Variants in ZEB2 observed in about 807,000 individuals in gnomAD.
ZEB2 encodes the protein zinc finger E-box binding homeobox 2.
ZEB2 carries 6 observed loss-of-function variants against 99.9 expected under a neutral mutation model. That is an observed-to-expected ratio of 0.06 (90% CI 0.03 to 0.12). ZEB2 has a LOEUF of 0.12. Ranked by LOEUF, ZEB2 falls within the 10% of genes least tolerant of loss-of-function variation. The pLI is 1.00. For missense variants in ZEB2, 969 were observed against 1,502.8 expected, an observed-to-expected ratio of 0.64 and a Z score of 5.87; for synonymous variants, 517 against 542.5, an observed-to-expected ratio of 0.95 and a Z score of 0.65.
rs1417529705 is a variant in ZEB2 at position 144,513,285 on chromosome 2, C to T, written c.73+3993G>A. On this transcript the variant is annotated intron_variant, in intron 2 of 9. Coordinates refer to ENST00000627532, the MANE Select transcript of ZEB2 (RefSeq NM_014795.4). ...AACAGGGATAACCATTTCTGCTCTT[C>T]TGATTGTTTCTCCTCTAGGATCCAA... 6 of 1,290,778 alleles carry T rather than the reference C, an allele frequency of 4.6e-6. No homozygotes were observed. In the South Asian group the frequency reaches 7.4e-5, roughly 16 times the overall value. 80.0% of individuals were successfully genotyped at this position (1,290,778 alleles called of 1,614,324 possible). A position where few individuals can be genotyped will look rare whatever the true frequency, so the allele number is the denominator to read the frequency against.
chr2:144,395,925 C>T (rs981893225), intron 9 of ZEB2, among the ~76,000 whole-genome samples: 1 of 151,592 alleles, frequency 6.6e-6, no homozygotes, highest in Non-Finnish European at 1.5e-5. Flanking sequence ...GACACTAATG[C>T]CTTTAGTTCT....
At chr2:144,405,796 ACT>A (rs1703378667) in intron 4 of ZEB2, among the ~76,000 whole-genome samples, 1 of 152,112 alleles carries the variant, frequency 6.6e-6, no homozygotes, top group Non-Finnish European at 1.5e-5. Flanking sequence ...TGTAATTATG[ACT>A]CTATTCCTGT....
intron 4 of ZEB2, among the ~76,000 whole-genome samples, chr2:144,421,893 T>A (rs1408224665): frequency 6.6e-6 from 1 of 152,220 alleles, no homozygotes; most frequent in Non-Finnish European, 1.5e-5. Flanking sequence ...TTCCCATATC[T>A]ATATATCTTT....
In ZEB2 at chr2:144,399,011, A is replaced by T; in HGVS notation, c.2176T>A (p.Ser726Thr). 1 of 1,614,048 alleles carries T rather than the reference A, an allele frequency of 6.2e-7. No individual in the cohort carries two copies. Among genetic ancestry groups the T allele is most frequent in the Non-Finnish European group, 8.5e-7 (1 of 1,179,992 alleles). The change falls in exon 8 of 10, where the codon TCT (serine) becomes ACT (threonine). Residue 726 changes from serine (S) to threonine (T), a missense_variant. Around this residue, in one of 8 missense-constraint regions of ZEB2, gnomAD observed 346 missense variants for 460.0 expected, o/e 0.75. Coordinates refer to ENST00000627532, the MANE Select transcript of ZEB2 (RefSeq NM_014795.4). This position sits in a 1 kb window ranked among gnomAD's most constrained non-coding sequence, Gnocchi z 5.6. ...APNSNPPTKD[S>T]LLPRSPVKPM... is the part of the protein sequence containing the mutation. ...TTTACAGGAGACCTGGGTAATAAAG[A>T]GTCTTTTGTGGGAGGGTTACTGTTG...
chr2:144,464,398 G>C (rs555509289), intron 2 of ZEB2: 1 of 152,028 alleles, frequency 6.6e-6, no homozygotes, highest in Non-Finnish European at 1.5e-5. Context: ...CTACCATTTG[G>C]TTATTTAGAA....
At chr2:144,425,051 C>T in intron 3 of ZEB2, 184 bp from the exon 4 acceptor site, 1 of 625,516 alleles carries the variant, frequency 1.6e-6, no homozygotes. Flanking sequence ...TGCACAAGAA[C>T]TTATTTACTT....
intron 7 of ZEB2, 73 bp downstream of exon 7, chr2:144,401,125 AT>A (rs967038412): frequency 7.2e-7 from 1 of 1,379,552 alleles, no homozygotes; most frequent in African/African-American, 1.4e-5. Context: ...GACTGTGTAA[AT>A]TTTAAACAAT....
At chr2:144,471,591 T>C (rs1418403571) in intron 2 of ZEB2, among the ~76,000 whole-genome samples, 4 of 151,880 alleles carry the variant, frequency 2.6e-5, no homozygotes, top group African/African-American at 7.3e-5. Context: ...TAGAGAAAAG[T>C]AATGGTGTGG....
intron 2 of ZEB2, among the ~76,000 whole-genome samples, chr2:144,493,291 A>T (rs553956349): frequency 3.3e-5 from 5 of 152,328 alleles, no homozygotes; most frequent in Non-Finnish European, 7.4e-5. Flanking sequence ...ACCTTGAAAC[A>T]GTCATAATCA....
At chr2:144,438,811 G>C (rs1228490901) in intron 2 of ZEB2, among the ~76,000 whole-genome samples, 2 of 152,150 alleles carry the variant, frequency 1.3e-5, no homozygotes, top group East Asian at 1.9e-4. Context: ...TTACTGTGTA[G>C]TATGTTTAAA....
intron 3 of ZEB2, chr2:144,428,737 A>G (rs1343417386): frequency 6.6e-6 from 1 of 152,154 alleles, no homozygotes; most frequent in Admixed American, 6.5e-5. Flanking sequence ...CCAAACAATT[A>G]TTCTGCCTAT....
chr2:144,401,788 G>T (rs1043519950), intron 6 of ZEB2, among the ~76,000 whole-genome samples: 7 of 151,914 alleles, frequency 4.6e-5, no homozygotes, highest in African/African-American at 1.7e-4. Context: ...ATCTTATACT[G>T]AAGCAATCTA....
intron 2 of ZEB2, among the ~76,000 whole-genome samples, chr2:144,465,040 C>T (rs142131902): frequency 0.014 from 2,067 of 152,254 alleles, 19 homozygotes; most frequent in Middle Eastern, 0.054. Flanking sequence ...CTCACTTGTC[C>T]AACTCACCTT....
At chr2:144,517,800 G>T in intron 1 of ZEB2, 2 of 654,352 alleles carry the variant, frequency 3.1e-6, no homozygotes, top group South Asian at 3.2e-5. Flanking sequence ...GTGAGGCGAG[G>T]TTTTCTTTTC....
intron 2 of ZEB2, among the ~76,000 whole-genome samples, chr2:144,437,854 C>T (rs905998478): frequency 6.6e-6 from 1 of 152,130 alleles, no homozygotes. Context: ...CAGTAACTGC[C>T]AGAGTACGTT....
At chr2:144,482,506 A>T (rs1704527798) in intron 2 of ZEB2, among the ~76,000 whole-genome samples, 1 of 152,046 alleles carries the variant, frequency 6.6e-6, no homozygotes. Context: ...TTGTGATGAA[A>T]ATTTACTTTC....
chr2:144,446,988 C>T (rs376146821), intron 2 of ZEB2, among the ~76,000 whole-genome samples: 1 of 149,576 alleles, frequency 6.7e-6, no homozygotes, highest in Non-Finnish European at 1.5e-5. Context: ...GGCACTCCAG[C>T]CTGGGTGACA....
chr2:144,428,142 C>A (rs535768481), intron 3 of ZEB2: 1 of 152,058 alleles, frequency 6.6e-6, no homozygotes, highest in Non-Finnish European at 1.5e-5. Flanking sequence ...TTGGTCCTTA[C>A]CCTTGATTTC....
chr2:144,494,195 A>G (rs1248786194), intron 2 of ZEB2: 1 of 150,782 alleles, frequency 6.6e-6, no homozygotes, highest in African/African-American at 2.4e-5. Context: ...CAAAAACTCT[A>G]ATAAAACAGG....
Sources: allele counts gnomAD v4.1 joint callset (sites outside exome capture counted in the v4.1 genomes callset), GRCh38; gene constraint gnomAD v4.1.1; regional missense constraint gnomAD v4.1.1; non-coding constraint Gnocchi (gnomAD v3.1); transcripts MANE v1.5; gene names NCBI Gene and HGNC (gene_info 2026-07-23, HGNC 2026-07-21).